Variants in TESC observed in about 807,000 individuals in gnomAD.
TESC encodes the protein calcineurin B homologous protein 3.
Under a neutral mutation model 31.0 loss-of-function variants are expected in TESC, and 19 were observed. The observed-to-expected ratio is 0.61, with a 90% CI of 0.43 to 0.90. The LOEUF (loss-of-function observed/expected upper bound fraction) is 0.90. Among genes scored for constraint, TESC ranks in the 40% least tolerant of loss-of-function variants. The pLI, the probability that TESC is intolerant of heterozygous loss-of-function variation, is 0.00. For synonymous variants in TESC, 109 were observed against 114.8 expected, an observed-to-expected ratio of 0.95 and a Z score of 0.32; for missense variants, 248 against 303.8, an observed-to-expected ratio of 0.82 and a Z score of 1.36.
chr12:117,077,782 G>T (rs1457715806), intron 1 of TESC, among the ~76,000 whole-genome samples: 1 of 152,164 alleles, frequency 6.6e-6, no homozygotes, highest in African/African-American at 2.4e-5. Flanking sequence ...TGGAGGATGA[G>T]ATGAGGAGGA....
At chr12:117,049,791 C>T (rs1954620714) in intron 3 of TESC, among the ~76,000 whole-genome samples, 1 of 151,448 alleles carries the variant, frequency 6.6e-6, no homozygotes, top group Non-Finnish European at 1.5e-5. Context: ...GTCCCAGCTA[C>T]TCGGGAGGCT....
chr12:117,098,141 T>A (rs755143537), intron 1 of TESC, among the ~76,000 whole-genome samples: 17 of 152,184 alleles, frequency 1.1e-4, no homozygotes, highest in Non-Finnish European at 2.2e-4. Flanking sequence ...TGGGCCACCC[T>A]CTCTTGGTGA....
chr12:117,092,169 C>T (rs1161303766), intron 1 of TESC, among the ~76,000 whole-genome samples: 1 of 152,194 alleles, frequency 6.6e-6, no homozygotes, highest in Non-Finnish European at 1.5e-5. Flanking sequence ...GCAGCTGTCA[C>T]CTCATTCACA....
chr12:117,053,396 T>C (rs6490105), intron 3 of TESC, among the ~76,000 whole-genome samples: 60,816 of 152,048 alleles, frequency 0.4, 13,503 homozygotes, highest in African/African-American at 0.61. Flanking sequence ...CTGGCAGGTG[T>C]GTGCATTCCA....
At position 117,041,962 on chromosome 12, in the gene TESC, G is replaced by T; in HGVS notation, c.552C>A (p.Phe184Leu). Residue 184 changes from phenylalanine (F) to leucine (L), a missense_variant, in exon 7 of 8, where the codon TTC becomes TTA. Transcript: ENST00000335209. ...GGCCACCCACCTTCAGGAAGTCCTC[G>T]AAGGTGATCCCCTCGTACACCTGAT... ...EPDQVYEGIT[F>L]EDFLKIWQGI... is the part of the protein sequence containing the mutation. The T allele has an allele frequency of 6.3e-7, 1 of 1,593,038 alleles. No individual in the cohort carries two copies. Among genetic ancestry groups the T allele is most frequent in the Non-Finnish European group, 8.6e-7 (1 of 1,169,406 alleles).
At chr12:117,054,941 C>A (rs945198302) in intron 3 of TESC, among the ~76,000 whole-genome samples, 2 of 152,166 alleles carry the variant, frequency 1.3e-5, no homozygotes, top group African/African-American at 4.8e-5. Context: ...CTTCATCCCC[C>A]CTAGAGTCCC....
chr12:117,071,341 C>T (rs1030838538), intron 2 of TESC, among the ~76,000 whole-genome samples: 1 of 152,202 alleles, frequency 6.6e-6, no homozygotes, highest in Non-Finnish European at 1.5e-5. Flanking sequence ...TTCCTGCCCT[C>T]CAAGAAGCCA....
chr12:117,049,201 T>C, intron 3 of TESC, 43 bp from the exon 4 acceptor site: 1 of 1,613,026 alleles, frequency 6.2e-7, no homozygotes, highest in Non-Finnish European at 8.5e-7. Flanking sequence ...AATGAAGAAC[T>C]GGATCTTGTC....
At chr12:117,090,459 T>C (rs1445783116) in intron 1 of TESC, among the ~76,000 whole-genome samples, 1 of 152,228 alleles carries the variant, frequency 6.6e-6, no homozygotes, top group African/African-American at 2.4e-5. Context: ...CCAGTTGAAA[T>C]GATTAGTAAC....
At chr12:117,070,777 C>T (rs1954959493) in intron 2 of TESC, among the ~76,000 whole-genome samples, 1 of 152,016 alleles carries the variant, frequency 6.6e-6, no homozygotes, top group African/African-American at 2.4e-5. Flanking sequence ...CTGAAGTCAG[C>T]CTGGGCGACA....
At chr12:117,098,035 T>C (rs1955418733) in intron 1 of TESC, among the ~76,000 whole-genome samples, 1 of 152,114 alleles carries the variant, frequency 6.6e-6, no homozygotes. Context: ...ACACCAGTTA[T>C]TAATGGTTTT....
At chr12:117,075,913 A>ATATATGTGTGTGTGTG (rs1265957613) in intron 1 of TESC, among the ~76,000 whole-genome samples, 1 of 51,950 alleles carries the variant, frequency 1.9e-5, no homozygotes, top group African/African-American at 1.0e-4. Context: ...ATATATATAT[A>ATATATGTGTGTGTGTG]TGTGTGTGTG....
At chr12:117,063,011 G>C (rs1296517287) in intron 2 of TESC, among the ~76,000 whole-genome samples, 1 of 152,216 alleles carries the variant, frequency 6.6e-6, no homozygotes, top group Non-Finnish European at 1.5e-5. Flanking sequence ...TCCTGCGGGA[G>C]AGCTTGAGCC....
intron 6 of TESC, among the ~76,000 whole-genome samples, chr12:117,042,270 G>A (rs1022569088): frequency 2.0e-5 from 3 of 152,082 alleles, no homozygotes; most frequent in African/African-American, 7.2e-5. Flanking sequence ...GTGGCTCAGA[G>A]CAGCCTCCCT....
At chr12:117,061,990 C>A (rs1234776432) in intron 2 of TESC, among the ~76,000 whole-genome samples, 1 of 152,142 alleles carries the variant, frequency 6.6e-6, no homozygotes, top group Non-Finnish European at 1.5e-5. Context: ...ACATAAGATG[C>A]TGAGTAGGCT....
intron 7 of TESC, among the ~76,000 whole-genome samples, chr12:117,041,191 C>T (rs982992303): frequency 4.4e-4 from 67 of 152,292 alleles, no homozygotes; most frequent in African/African-American, 1.3e-3. Context: ...GCAGAGTGGG[C>T]GGCCGCTTTA....
intron 6 of TESC, among the ~76,000 whole-genome samples, chr12:117,046,272 G>T (rs1954556610): frequency 6.6e-6 from 1 of 152,180 alleles, no homozygotes; most frequent in Non-Finnish European, 1.5e-5. Context: ...TGTGAGCACT[G>T]ACTGAGGCCG....
chr12:117,045,838 G>C (rs1051767425), intron 6 of TESC, among the ~76,000 whole-genome samples: 1 of 152,218 alleles, frequency 6.6e-6, no homozygotes, highest in African/African-American at 2.4e-5. Context: ...CGACACCCAG[G>C]TGGTCACCTG....
intron 2 of TESC, among the ~76,000 whole-genome samples, chr12:117,057,117 T>G (rs1954737422): frequency 6.6e-6 from 1 of 152,094 alleles, no homozygotes; most frequent in Non-Finnish European, 1.5e-5. Flanking sequence ...ACTTTTCTTT[T>G]TTGAGATAGA....
Sources: allele counts gnomAD v4.1 joint callset (sites outside exome capture counted in the v4.1 genomes callset), GRCh38; gene constraint gnomAD v4.1.1; transcripts MANE v1.5; gene names NCBI Gene and HGNC (gene_info 2026-07-23, HGNC 2026-07-21).